The following TLK1 variants were observed in gnomAD, a reference collection of about 807,000 sequenced individuals.
TLK1 encodes the protein serine/threonine-protein kinase tousled-like 1.
TLK1 carries 24 observed loss-of-function variants against 105.3 expected under a neutral mutation model. The ratio of observed to expected loss-of-function variants is 0.23; its 90% CI spans 0.17 to 0.32. The LOEUF (loss-of-function observed/expected upper bound fraction) is 0.32. TLK1 is among the 10% of genes least tolerant of loss of function. The probability of loss-of-function intolerance (pLI) is 1.00; values close to 1 mark genes in which losing one functional copy is unlikely to be tolerated. For missense variants in TLK1, 558 were observed against 910.5 expected, an observed-to-expected ratio of 0.61 and a Z score of 4.98; for synonymous variants, 321 against 310.4, an observed-to-expected ratio of 1.03 and a Z score of -0.36.
intron 12 of TLK1, among the ~76,000 whole-genome samples, chr2:171,024,723 GTA>G (rs1488665275): frequency 6.6e-6 from 1 of 152,186 alleles, no homozygotes; most frequent in Non-Finnish European, 1.5e-5. Flanking sequence ...TCCAGAGGAA[GTA>G]TATATAGATC....
chr2:171,055,356 T>C (rs1003406394), intron 6 of TLK1, among the ~76,000 whole-genome samples, 184 bp from the exon 7 acceptor site: 1 of 151,990 alleles, frequency 6.6e-6, no homozygotes, highest in African/African-American at 2.4e-5. Flanking sequence ...CAAGTGTTCA[T>C]TAAGTACCTC....
At chr2:171,046,052 C>G in intron 11 of TLK1, 122 bp downstream of exon 11, 6 of 809,456 alleles carry the variant, frequency 7.4e-6, no homozygotes, top group Non-Finnish European at 9.0e-6. Context: ...TTCAATACTG[C>G]CTTCCTTCCT....
chr2:171,023,403 G>GCACT (rs1224753135), intron 12 of TLK1, among the ~76,000 whole-genome samples: 1 of 142,704 alleles, frequency 7.0e-6, no homozygotes, highest in East Asian at 2.0e-4. Context: ...TAAGTCAAAT[G>GCACT]CACTCACACA....
Position 171,038,793 on chromosome 2 carries a change from T to C in TLK1, c.1169+7381A>G, listed in dbSNP as rs1401440034. Among the ~76,000 whole-genome samples the C allele has an allele frequency of 2.6e-5, 4 of 152,196 alleles. No homozygotes were observed. The East Asian group carries it at 7.7e-4, about 29-fold the overall frequency. On this transcript the variant is annotated intron_variant, in intron 11 of 20. Transcript: ENST00000431350. The stretch of plus-strand genomic sequence containing the variant: ...GTCAATATTTTTAAAAGAACATGTA[T>C]TCTGCAGATGTTGGGAGGTATTCTA...
chr2:171,197,930 T>C (rs1413080932), intron 1 of TLK1, among the ~76,000 whole-genome samples: 3 of 152,216 alleles, frequency 2.0e-5, no homozygotes, highest in Non-Finnish European at 1.5e-5. Context: ...TACCCTTATA[T>C]GATTCTTATA....
chr2:171,202,853 A>G (rs1316277703), intron 1 of TLK1, among the ~76,000 whole-genome samples: 1 of 152,218 alleles, frequency 6.6e-6, no homozygotes, highest in Non-Finnish European at 1.5e-5. Context: ...ACATATAAAT[A>G]TCATTCTCAT....
chr2:171,059,231 T>C (rs1027125074), intron 4 of TLK1, among the ~76,000 whole-genome samples: 4 of 152,222 alleles, frequency 2.6e-5, no homozygotes, highest in Non-Finnish European at 5.9e-5. Context: ...AATTTCTCTG[T>C]AGATTCTAAA....
intron 1 of TLK1, among the ~76,000 whole-genome samples, chr2:171,177,204 C>T (rs559818310): frequency 6.6e-6 from 1 of 152,104 alleles, no homozygotes; most frequent in African/African-American, 2.4e-5. Context: ...TGCCGTGGCC[C>T]GATCACAGCT....
At chr2:171,113,657 A>G (rs952013649) in intron 2 of TLK1, among the ~76,000 whole-genome samples, 22 of 152,196 alleles carry the variant, frequency 1.4e-4, no homozygotes, top group Non-Finnish European at 2.9e-4. Flanking sequence ...TCACAAATCA[A>G]TTTTTAAAAA....
Position 171,156,598 on chromosome 2 carries a change from T to C in TLK1, c.139+3692A>G, listed in dbSNP as rs530534298. On this transcript the variant is annotated intron_variant, in intron 1 of 20. Transcript: ENST00000431350. ...TCTCCTCTAATATGTAAATGTGCCA[T>C]TGTAAAGGAGACATCTGTCACATAT... Among the ~76,000 whole-genome samples, 14 of 152,336 alleles carry C rather than the reference T, an allele frequency of 9.2e-5. No individual in the cohort carries two copies. In the Middle Eastern group the frequency reaches 0.014, roughly 148 times the overall value.
At chr2:171,051,061 G>C (rs2676131) in intron 8 of TLK1, among the ~76,000 whole-genome samples, 2 of 152,074 alleles carry the variant, frequency 1.3e-5, no homozygotes, top group Non-Finnish European at 1.5e-5. Flanking sequence ...ACCCAACACA[G>C]TTGTTTTTCA....
At chr2:171,042,137 A>G (rs1205109476) in intron 11 of TLK1, among the ~76,000 whole-genome samples, 1 of 152,356 alleles carries the variant, frequency 6.6e-6, no homozygotes, top group East Asian at 1.9e-4. Flanking sequence ...TGACTATTAG[A>G]CTATAATTAA....
chr2:171,066,934 T>C, intron 3 of TLK1: 4 of 1,544,728 alleles, frequency 2.6e-6, no homozygotes, highest in Non-Finnish European at 3.5e-6. Context: ...TTTCAGATAA[T>C]TTATTCTGGA....
intron 1 of TLK1, among the ~76,000 whole-genome samples, chr2:171,133,232 G>A (rs930004432): frequency 1.3e-5 from 2 of 152,174 alleles, no homozygotes; most frequent in Admixed American, 1.3e-4. Flanking sequence ...TCCAGGTTAA[G>A]AGAAAATAGG....
chr2:170,997,667 T>C (rs780997019), intron 19 of TLK1, 45 bp downstream of exon 19: 2 of 1,288,806 alleles, frequency 1.6e-6, no homozygotes, highest in Admixed American at 4.7e-5. Context: ...AAAATTCAAC[T>C]TAATTTATCT....
chr2:171,095,475 T>A (rs1028141650), intron 2 of TLK1, among the ~76,000 whole-genome samples: 1 of 152,052 alleles, frequency 6.6e-6, no homozygotes, highest in African/African-American at 2.4e-5. Context: ...CAAGAAAATA[T>A]AATGAAAAGT....
At chr2:171,101,367 C>T (rs1030452585) in intron 2 of TLK1, among the ~76,000 whole-genome samples, 4 of 88,826 alleles carry the variant, frequency 4.5e-5, no homozygotes, top group African/African-American at 2.3e-4. Context: ...AAAAAAAAAG[C>T]CAGGCACAAA....
chr2:171,205,976 T>A (rs928322243), intron 1 of TLK1, among the ~76,000 whole-genome samples: 1 of 152,194 alleles, frequency 6.6e-6, no homozygotes, highest in African/African-American at 2.4e-5. Flanking sequence ...TTTTTTCCAA[T>A]GCAACAACTA....
At chr2:171,052,689 C>A (rs1687299248) in intron 8 of TLK1, among the ~76,000 whole-genome samples, 1 of 152,128 alleles carries the variant, frequency 6.6e-6, no homozygotes. Context: ...ATATTTAATA[C>A]AACCATAAAG....
Sources: gnomAD v4.1 joint callset for allele counts (sites outside exome capture counted in the v4.1 genomes callset) on GRCh38, gnomAD v4.1.1 for gene constraint, MANE v1.5 for transcripts, NCBI Gene and HGNC (gene_info 2026-07-23, HGNC 2026-07-21) for gene names.